TIAM1: variants seen among roughly 807,000 people sequenced by gnomAD.
TIAM1 encodes the protein rho guanine nucleotide exchange factor TIAM1.
A neutral mutation model predicts 163.5 loss-of-function variants in TIAM1; 65 were observed. That is an observed-to-expected ratio of 0.40 (90% CI 0.33 to 0.49). The LOEUF (loss-of-function observed/expected upper bound fraction) is 0.49, where lower values mean the gene tolerates loss of function less well. Among genes scored for constraint, TIAM1 ranks in the 20% least tolerant of loss-of-function variants. TIAM1 has a pLI of 0.77. For missense variants in TIAM1, 1,789 were observed against 2,044.7 expected, an observed-to-expected ratio of 0.87 and a Z score of 2.41; for synonymous variants, 833 against 810.1, an observed-to-expected ratio of 1.03 and a Z score of -0.48.
chr21:31,221,366 G>A (rs1168671639), intron 8 of TIAM1, among the ~76,000 whole-genome samples: 7 of 152,156 alleles, frequency 4.6e-5, no homozygotes, highest in Admixed American at 4.6e-4. Context: ...GGAACAGAGA[G>A]TTGAACGTAT....
At chr21:31,251,257 G>T (rs2071789305) in intron 5 of TIAM1, among the ~76,000 whole-genome samples, 1 of 152,174 alleles carries the variant, frequency 6.6e-6, no homozygotes, top group South Asian at 2.1e-4. Flanking sequence ...ACTGTGAAAA[G>T]AGAAAATCAA....
chr21:31,189,176 T>C (rs1346673331), intron 13 of TIAM1, among the ~76,000 whole-genome samples: 1 of 143,274 alleles, frequency 7.0e-6, no homozygotes, highest in African/African-American at 2.6e-5. Context: ...TACCTCAGCC[T>C]CCCTAGTAGC....
intron 2 of TIAM1, among the ~76,000 whole-genome samples, chr21:31,420,007 C>G (rs981536266): frequency 1.3e-5 from 2 of 152,200 alleles, no homozygotes; most frequent in East Asian, 1.9e-4. Flanking sequence ...CAAGATCGTG[C>G]TATTGCACTC....
chr21:31,289,387 T>TC (rs1198478888), intron 2 of TIAM1, among the ~76,000 whole-genome samples: 1 of 152,104 alleles, frequency 6.6e-6, no homozygotes. Flanking sequence ...TGGAAAGAAG[T>TC]CCATATTTCT....
chr21:31,159,242 G>A (rs1489754306), intron 16 of TIAM1, among the ~76,000 whole-genome samples: 1 of 152,118 alleles, frequency 6.6e-6, no homozygotes, highest in Admixed American at 6.5e-5. Context: ...GACAAGGAGA[G>A]GACAATGGCA....
intron 2 of TIAM1, among the ~76,000 whole-genome samples, chr21:31,422,767 C>A (rs760910670): frequency 1.5e-4 from 23 of 152,210 alleles, no homozygotes; most frequent in Non-Finnish European, 2.9e-5. Flanking sequence ...ATGATCTCTA[C>A]TCAGGGGTTC....
chr21:31,540,217 C>T (rs1056508343), intron 1 of TIAM1, among the ~76,000 whole-genome samples: 2 of 151,414 alleles, frequency 1.3e-5, no homozygotes, highest in East Asian at 3.9e-4. Flanking sequence ...GAAACCTCAT[C>T]TTTACTAAAA....
At chr21:31,371,045 T>G (rs1320817799) in intron 2 of TIAM1, among the ~76,000 whole-genome samples, 1 of 152,202 alleles carries the variant, frequency 6.6e-6, no homozygotes, top group Non-Finnish European at 1.5e-5. Flanking sequence ...CCAGAATGAC[T>G]GTGTTCTTCT....
chr21:31,209,844 C>T (rs2146548409), intron 11 of TIAM1, among the ~76,000 whole-genome samples: 1 of 152,350 alleles, frequency 6.6e-6, no homozygotes, highest in East Asian at 1.9e-4. Flanking sequence ...AGAAGAGTTC[C>T]TCTCTTCCCA....
chr21:31,427,815 C>A (rs112258620), intron 2 of TIAM1, among the ~76,000 whole-genome samples: 2 of 151,998 alleles, frequency 1.3e-5, no homozygotes, highest in Non-Finnish European at 2.9e-5. Context: ...GCCTGGACAA[C>A]AGAGCAATAC....
At chr21:31,502,716 C>T (rs2046888054) in intron 1 of TIAM1, among the ~76,000 whole-genome samples, 1 of 152,186 alleles carries the variant, frequency 6.6e-6, no homozygotes, top group African/African-American at 2.4e-5. Flanking sequence ...CCGGATTGCA[C>T]CCTTTAAAGC....
chr21:31,327,643 C>CAAAA (rs373702154), intron 2 of TIAM1, among the ~76,000 whole-genome samples: 2 of 69,462 alleles, frequency 2.9e-5, no homozygotes, highest in Admixed American at 3.7e-4. Flanking sequence ...GCCGCCATCT[C>CAAAA]AAAAAAAAAA....
intron 1 of TIAM1, among the ~76,000 whole-genome samples, chr21:31,473,159 G>A (rs1023450003): frequency 3.9e-5 from 6 of 152,244 alleles, no homozygotes; most frequent in Admixed American, 2.0e-4. Flanking sequence ...AGCCAGGCAC[G>A]GTGGCTCACG....
At chr21:31,167,088 CTTTT>C (rs72031739) in intron 15 of TIAM1, among the ~76,000 whole-genome samples, 2 of 125,090 alleles carry the variant, frequency 1.6e-5, no homozygotes, top group Non-Finnish European at 3.3e-5. Context: ...AAAGGATTTC[CTTTT>C]TTTTTTTTTT....
intron 1 of TIAM1, among the ~76,000 whole-genome samples, chr21:31,482,101 A>G (rs889508507): frequency 1.0e-4 from 12 of 117,736 alleles, no homozygotes; most frequent in Admixed American, 5.9e-4. Context: ...GTGTGTATAC[A>G]TATATATATA....
intron 5 of TIAM1, among the ~76,000 whole-genome samples, chr21:31,250,788 G>T (rs1020983171): frequency 3.3e-5 from 5 of 152,124 alleles, no homozygotes; most frequent in African/African-American, 9.7e-5. Flanking sequence ...ACATTTTCTA[G>T]GCTACCAGGA....
In TIAM1 at chr21:31,529,075, T is replaced by C. The variant is rs369974469; in HGVS notation, c.-422+29852A>G. Among the ~76,000 whole-genome samples the C allele has an allele frequency of 1.5e-3, 226 of 151,564 alleles. No individual in the cohort carries two copies. In the South Asian group the frequency reaches 0.016, roughly 11 times the overall value. On this transcript the variant is annotated intron_variant, in intron 1 of 28. Coordinates refer to the TIAM1 transcript ENST00000286827. Reference sequence around the variant, plus strand: ...TAGCCGGGACTACAGGCGCCCACCATGCCCAGCTAATTTTTTTGTATTTTT... The same window carrying C: ...TAGCCGGGACTACAGGCGCCCACCACGCCCAGCTAATTTTTTTGTATTTTT...
intron 2 of TIAM1, among the ~76,000 whole-genome samples, chr21:31,356,025 T>C (rs1306684954): frequency 6.6e-6 from 1 of 152,188 alleles, no homozygotes; most frequent in Non-Finnish European, 1.5e-5. Context: ...TCTCAACAAA[T>C]ATTGCATGAT....
chr21:31,283,676 T>A (rs1161398846), intron 2 of TIAM1, among the ~76,000 whole-genome samples: 1 of 151,976 alleles, frequency 6.6e-6, no homozygotes, highest in Non-Finnish European at 1.5e-5. Flanking sequence ...TCCCAAGTAG[T>A]TGGGACTACA....
Sources: gnomAD v4.1 joint callset for allele counts (sites outside exome capture counted in the v4.1 genomes callset) on GRCh38, gnomAD v4.1.1 for gene constraint, MANE v1.5 for transcripts, NCBI Gene and HGNC (gene_info 2026-07-23, HGNC 2026-07-21) for gene names.